SLC26A11: variants seen among roughly 807,000 people sequenced by gnomAD.
The protein encoded by SLC26A11 is solute carrier family 26 member 11.
Under a neutral mutation model 62.2 loss-of-function variants are expected in SLC26A11, and 58 were observed. The observed-to-expected ratio is 0.93, with a 90% CI of 0.76 to 1.16. The LOEUF is 1.16. Among genes scored for constraint, SLC26A11 ranks in the 50% most tolerant of loss-of-function variants. The probability of loss-of-function intolerance (pLI) is 0.00; values close to 1 mark genes in which losing one functional copy is unlikely to be tolerated. For synonymous variants in SLC26A11, 411 were observed against 368.9 expected (o/e 1.11, Z -1.31); for missense variants, 790 against 794.3 (o/e 0.99, Z 0.06).
In SLC26A11 at chr17:80,252,760, A is replaced by G; in HGVS notation, c.*44A>G. 6.4e-7 allele frequency: 1 copy of G among 1,567,354 alleles called. No homozygotes were observed. The highest frequency in any genetic ancestry group is 8.8e-7 in the Non-Finnish European group (1 of 1,142,054). On this transcript the variant is annotated 3_prime_UTR_variant, in exon 18 of 18. Transcript: ENST00000361193. The surrounding 1 kb of genome is among the most constrained non-coding windows in gnomAD (Gnocchi z 5.2). ...TCCACAGTTTGCAGGGTGTTCCGGA[A>G]GGTTCTTGTCACTGTGATTGGATGC...
chr17:80,244,457 C>A (rs2042943454), intron 10 of SLC26A11, among the ~76,000 whole-genome samples: 1 of 152,180 alleles, frequency 6.6e-6, no homozygotes, highest in Non-Finnish European at 1.5e-5. Context: ...TCAGCTCTCA[C>A]CCCCTCCTGG....
chr17:80,240,211 C>CA (rs35025670), intron 9 of SLC26A11, among the ~76,000 whole-genome samples: 1 of 151,986 alleles, frequency 6.6e-6, no homozygotes, highest in Non-Finnish European at 1.5e-5. Context: ...ACTAAAAATA[C>CA]AAAAAATTAG....
chr17:80,238,481 C>T (rs1012954906), intron 9 of SLC26A11, among the ~76,000 whole-genome samples: 1 of 152,220 alleles, frequency 6.6e-6, no homozygotes, highest in Non-Finnish European at 1.5e-5. Flanking sequence ...AGCCCCTCCT[C>T]GCCCCCAGGG....
chr17:80,224,200 T>TGA (rs10577282), intron 5 of SLC26A11, among the ~76,000 whole-genome samples: 1 of 149,712 alleles, frequency 6.7e-6, no homozygotes, highest in Non-Finnish European at 1.5e-5. Flanking sequence ...TGAGTGTGTG[T>TGA]GAGTGTGTGA....
Position 80,220,697 on chromosome 17 carries a change from G to C in SLC26A11, c.-214+201G>C, listed in dbSNP as rs557796253. On this transcript the variant is annotated intron_variant, in intron 1 of 17. Coordinates refer to ENST00000361193, the MANE Select transcript of SLC26A11 (RefSeq NM_001166347.2). ...GCCTTGCTCGGGGCCAAGGGACCGC[G>C]GACGGTCAGGTGGCGCAGGGTCTCC... Among the ~76,000 whole-genome samples, 416 of 152,190 alleles carry C rather than the reference G, an allele frequency of 2.7e-3. 7 individuals carry two copies. Among genetic ancestry groups the C allele is most frequent in the Admixed American group, 0.024 (367 of 15,298 alleles).
Position 80,238,823 on chromosome 17 carries a change from TTTTG to T in SLC26A11, c.985+1233_985+1236del, listed in dbSNP as rs1412857947. Among the ~76,000 whole-genome samples the T allele has an allele frequency of 8.6e-4, 116 of 135,290 alleles. 5 individuals carry two copies. Among genetic ancestry groups the T allele is most frequent in the African/African-American group, 3.2e-3 (105 of 32,714 alleles). The allele number at this position is 135,290 out of a possible 152,430, so 88.8% of individuals were successfully genotyped here. Reference sequence around the variant, plus strand: ...CCCCTTCAAAGGAGTTTTTTTTGTTTTTTGTTTTTTTTTTTTTTTGGAGACAGAG... The same window carrying T: ...CCCCTTCAAAGGAGTTTTTTTTGTTTTTTTTTTTTTTTTTTGGAGACAGAG... On this transcript the variant is annotated intron_variant, in intron 9 of 17. Transcript: ENST00000361193.
rs2042710720 is a variant in SLC26A11 at position 80,236,963 on chromosome 17, G to A, written c.772G>A (p.Val258Ile). The A allele has an allele frequency of 1.2e-6, 2 of 1,613,988 alleles. No homozygotes were observed. The highest frequency in any genetic ancestry group is 2.2e-5 in the East Asian group (1 of 44,876). Residue 258 changes from valine (V) to isoleucine (I), a missense_variant, in exon 8 of 18, where the codon GTT becomes ATT. Physicochemically the swap from Val to Ile is conservative, Grantham distance 29. Transcript: ENST00000361193. ...NALVVSFAAL[V>I]AYSFEVTGYQ... ...CCTGGTGGTCTCCTTCGCAGCCCTG[G>A]TTGCGTACTCCTTCGAGGTGACTGG...
chr17:80,223,408 G>T lies in SLC26A11; in HGVS notation c.513+71G>T. On this transcript the variant is annotated intron_variant, in intron 5 of 17. Transcript: ENST00000361193. The surrounding 1 kb of genome is among the most constrained non-coding windows in gnomAD (Gnocchi z 4.6). ...GTTGGCACAGGGATGGCGGGAGCAG[G>T]ACTGAGGCCAGTCCTGATCCCTGTG... 1 of 1,432,128 alleles carries T rather than the reference G, an allele frequency of 7.0e-7. No individual in the cohort carries two copies. Among genetic ancestry groups the T allele is most frequent in the Non-Finnish European group, 9.8e-7 (1 of 1,025,372 alleles). The allele number at this position is 1,432,128 out of a possible 1,614,324, so 88.7% of individuals were successfully genotyped here.
chr17:80,242,579 C>T (rs530838746), intron 10 of SLC26A11, among the ~76,000 whole-genome samples: 1 of 152,344 alleles, frequency 6.6e-6, no homozygotes, highest in East Asian at 1.9e-4. Context: ...CAGGTGGATT[C>T]ATGAAGACTC....
At chr17:80,224,138 T>C (rs1012815577) in intron 5 of SLC26A11, among the ~76,000 whole-genome samples, 3 of 151,714 alleles carry the variant, frequency 2.0e-5, no homozygotes, top group Non-Finnish European at 4.4e-5. Context: ...TCTTCCCTGA[T>C]GGAGGTACCA....
chr17:80,248,780 C>T lies in SLC26A11; in HGVS notation c.1522+106C>T. The T allele has an allele frequency of 3.6e-6, 4 of 1,104,940 alleles. No individual in the cohort carries two copies. The South Asian group carries it at 5.8e-5, about 16-fold the overall frequency. The allele number at this position is 1,104,940 out of a possible 1,614,324, so 68.4% of individuals were successfully genotyped here. On this transcript the variant is annotated intron_variant, in intron 15 of 17. Transcript: ENST00000361193. ...ACCCTGTCCCCAACGCTCTCCAGTC[C>T]ACAAGGATGCAGGCATCTCTGAGTG...
intron 9 of SLC26A11, among the ~76,000 whole-genome samples, chr17:80,237,952 C>T (rs954378139): frequency 6.6e-6 from 1 of 152,256 alleles, no homozygotes; most frequent in Non-Finnish European, 1.5e-5. Context: ...GGGTTGAGAT[C>T]TGCATGAACA....
intron 7 of SLC26A11, among the ~76,000 whole-genome samples, chr17:80,229,676 C>T (rs904751035): frequency 7.9e-5 from 12 of 152,086 alleles, no homozygotes; most frequent in Non-Finnish European, 1.3e-4. Flanking sequence ...GTGATCCGCC[C>T]GCCTCAGCCT....
rs562816343 is a variant in SLC26A11 at position 80,224,301 on chromosome 17, G to A, written c.513+964G>A. On this transcript the variant is annotated intron_variant, in intron 5 of 17. Coordinates refer to ENST00000361193, the MANE Select transcript of SLC26A11 (RefSeq NM_001166347.2). ...AGTGCGTGTGTGAGTGAGTGTGCGTGTGTGTGTGAGAGAGTGTGAGTGTGT... is the reference window on the plus strand; with the variant it reads ...AGTGCGTGTGTGAGTGAGTGTGCGTATGTGTGTGAGAGAGTGTGAGTGTGT... Among the ~76,000 whole-genome samples the A allele has an allele frequency of 3.4e-4, 45 of 132,106 alleles. No homozygotes were observed. In the East Asian group the frequency reaches 8.6e-3, roughly 25 times the overall value. 86.7% of individuals were successfully genotyped at this position (132,106 alleles called of 152,430 possible).
At position 80,222,067 on chromosome 17, in the gene SLC26A11, C is replaced by G. The variant is rs1372801366; in HGVS notation, c.234+273C>G. 2.3e-6 allele frequency: 1 copy of G among 430,718 alleles called. No individual in the cohort carries two copies. 26.7% of individuals were successfully genotyped at this position (430,718 alleles called of 1,614,324 possible). On this transcript the variant is annotated intron_variant, in intron 3 of 17. Coordinates refer to ENST00000361193, the MANE Select transcript of SLC26A11 (RefSeq NM_001166347.2). The surrounding 1 kb of genome is among the most constrained non-coding windows in gnomAD (Gnocchi z 4.7). Reference sequence around the variant, plus strand: ...ACCAGCCCGACCAAAATGGTGAAACCCCGTCTCCACTAAAAATACAAAAAT... The same window carrying G: ...ACCAGCCCGACCAAAATGGTGAAACGCCGTCTCCACTAAAAATACAAAAAT...
At chr17:80,226,052 C>A (rs984952935) in intron 6 of SLC26A11, 136 bp downstream of exon 6, 1 of 702,462 alleles carries the variant, frequency 1.4e-6, no homozygotes, top group East Asian at 2.6e-5. Flanking sequence ...TCAGCAGCAC[C>A]TGCAAGCTGG....
In SLC26A11 at chr17:80,222,753, G is replaced by A. The variant is rs1042489221; in HGVS notation, c.333G>A (p.Leu111=). The change falls in exon 4 of 18, where the codon CTG becomes CTA. Residue 111 remains leucine (L), a synonymous_variant. Coordinates refer to ENST00000361193, the MANE Select transcript of SLC26A11 (RefSeq NM_001166347.2). The surrounding 1 kb of genome is among the most constrained non-coding windows in gnomAD (Gnocchi z 4.7). ...GCCCCACCGCCATTATGTCCCTCCT[G>A]GTCTCCTTCTACACCTTCCATGAGC... ...TLGPTAIMSL[L]VSFYTFHEPA... 1 of 1,614,016 alleles carries A rather than the reference G, an allele frequency of 6.2e-7. No homozygotes were observed. The highest frequency in any genetic ancestry group is 1.3e-5 in the African/African-American group (1 of 74,914).
At position 80,246,146 on chromosome 17, in the gene SLC26A11, C is replaced by T. The variant is rs1032285977; in HGVS notation, c.1098-8C>T. On this transcript the variant is annotated splice_polypyrimidine_tract_variant and splice_region_variant and intron_variant, in intron 11 of 17. Coordinates refer to ENST00000361193, the MANE Select transcript of SLC26A11 (RefSeq NM_001166347.2). This position sits in a 1 kb window ranked among gnomAD's most constrained non-coding sequence, Gnocchi z 4.4. ...CTGGTGACTGACGGTCTCTGTGTTG[C>T]CTTCCAGGACAGCCGTGAACGCTCA... is the stretch of plus-strand genomic sequence containing the variant. The T allele has an allele frequency of 1.2e-6, 2 of 1,613,108 alleles. No homozygotes were observed. Among genetic ancestry groups the T allele is most frequent in the East Asian group, 4.5e-5 (2 of 44,890 alleles).
chr17:80,231,657 C>T (rs1005887024), intron 7 of SLC26A11, among the ~76,000 whole-genome samples: 2 of 152,148 alleles, frequency 1.3e-5, no homozygotes, highest in African/African-American at 4.8e-5. Flanking sequence ...TTTGACTTCT[C>T]CTTTGACCTG....
Sources: allele counts gnomAD v4.1 joint callset (sites outside exome capture counted in the v4.1 genomes callset), GRCh38; gene constraint gnomAD v4.1.1; non-coding constraint Gnocchi (gnomAD v3.1); transcripts MANE v1.5; gene names NCBI Gene and HGNC (gene_info 2026-07-23, HGNC 2026-07-21).